Variants in TENM3 observed in about 807,000 individuals in gnomAD.
TENM3 encodes teneurin-3.
TENM3 carries 63 observed loss-of-function variants against 255.1 expected under a neutral mutation model. That is an observed-to-expected ratio of 0.25 (90% CI 0.20 to 0.30). The LOEUF (loss-of-function observed/expected upper bound fraction) is 0.30, where lower values mean the gene tolerates loss of function less well. TENM3 is among the 10% of genes least tolerant of loss of function. The pLI is 1.00. For missense variants in TENM3, 2,929 were observed against 3,461.1 expected (o/e 0.85, Z 3.86); for synonymous variants, 1,306 against 1,322.3 (o/e 0.99, Z 0.27).
At chr4:182,253,079 C>A (rs543018519) in intron 1 of TENM3, among the ~76,000 whole-genome samples, 60 of 152,280 alleles carry the variant, frequency 3.9e-4, no homozygotes, top group African/African-American at 1.2e-3. Flanking sequence ...ACAATAGAGG[C>A]TTTATCTCTC....
At chr4:181,725,247 G>C in the TENM3 span, among the ~76,000 whole-genome samples, 1 of 152,112 alleles carries the variant, frequency 6.6e-6, no homozygotes, top group African/African-American at 2.4e-5. Context: ...CTATCCTTGT[G>C]AGTATTTTTA....
chr4:181,511,794 C>T, the TENM3 span, among the ~76,000 whole-genome samples: 2 of 152,078 alleles, frequency 1.3e-5, no homozygotes, highest in South Asian at 2.1e-4. Context: ...GACTGTGGAC[C>T]ACCAGCGGGT....
the TENM3 span, among the ~76,000 whole-genome samples, chr4:181,712,497 A>T: frequency 6.6e-6 from 1 of 152,184 alleles, no homozygotes; most frequent in East Asian, 1.9e-4. Context: ...AGCCGATGCC[A>T]GTATCATGCT....
In TENM3 at chr4:182,789,002, T is replaced by A; in HGVS notation, c.5305-91T>A. 1 of 1,150,612 alleles carries A rather than the reference T, an allele frequency of 8.7e-7. No homozygotes were observed. Among genetic ancestry groups the A allele is most frequent in the Non-Finnish European group, 1.2e-6 (1 of 833,056 alleles). The allele number at this position is 1,150,612 out of a possible 1,614,324, so 71.3% of individuals were successfully genotyped here. On this transcript the variant is annotated intron_variant, in intron 24 of 27. Transcript: ENST00000511685. This position sits in a 1 kb window ranked among gnomAD's most constrained non-coding sequence, Gnocchi z 4.4. ...TAAGTTAATTTACTGACAAAGAGAA[T>A]CAATCATCGTAAATGGTGTTTAAAC...
the TENM3 span, among the ~76,000 whole-genome samples, chr4:182,120,181 T>C: frequency 5.3e-5 from 8 of 151,926 alleles, no homozygotes; most frequent in African/African-American, 1.9e-4. Flanking sequence ...CACTGAACCT[T>C]TCTATGTTTT....
At chr4:182,699,771 T>C (rs1388440690) in intron 12 of TENM3, among the ~76,000 whole-genome samples, 1 of 152,208 alleles carries the variant, frequency 6.6e-6, no homozygotes, top group African/African-American at 2.4e-5. Context: ...TGACATTTTG[T>C]TCCTTTACTA....
the TENM3 span, among the ~76,000 whole-genome samples, chr4:181,630,892 A>G: frequency 8.2e-4 from 125 of 152,246 alleles, no homozygotes; most frequent in Admixed American, 2.6e-3. Flanking sequence ...ATGGGGTGCC[A>G]TGTTCATTTT....
the TENM3 span, among the ~76,000 whole-genome samples, chr4:182,029,249 G>T: frequency 2.0e-5 from 3 of 151,878 alleles, no homozygotes; most frequent in Admixed American, 2.0e-4. Flanking sequence ...CTCATGAATG[G>T]TTTAACATTT....
chr4:181,641,438 G>A, the TENM3 span, among the ~76,000 whole-genome samples: 5 of 149,624 alleles, frequency 3.3e-5, no homozygotes, highest in African/African-American at 1.2e-4. Flanking sequence ...GCGGTGTTTG[G>A]TTTTCTGTTC....
At chr4:181,548,318 C>G in the TENM3 span, among the ~76,000 whole-genome samples, 1 of 152,106 alleles carries the variant, frequency 6.6e-6, no homozygotes, top group African/African-American at 2.4e-5. Flanking sequence ...TGGGTATATA[C>G]CCAAAGGATT....
At chr4:182,733,674 A>G (rs1484224899) in intron 16 of TENM3, among the ~76,000 whole-genome samples, 2 of 152,240 alleles carry the variant, frequency 1.3e-5, no homozygotes, top group Non-Finnish European at 2.9e-5. Context: ...AGGATAACAA[A>G]AAGTCAAAAA....
At chr4:181,708,878 G>A in the TENM3 span, among the ~76,000 whole-genome samples, 1 of 152,196 alleles carries the variant, frequency 6.6e-6, no homozygotes, top group Non-Finnish European at 1.5e-5. Flanking sequence ...GGCCTAGAAT[G>A]TTCTGGGTTG....
chr4:182,250,191 C>T (rs200602860), intron 1 of TENM3, among the ~76,000 whole-genome samples: 70 of 151,374 alleles, frequency 4.6e-4, no homozygotes, highest in Middle Eastern at 3.4e-3. Context: ...TAGCTGGGAC[C>T]ACAGGCGCCC....
chr4:181,538,778 T>G, the TENM3 span, among the ~76,000 whole-genome samples: 1 of 152,178 alleles, frequency 6.6e-6, no homozygotes, highest in African/African-American at 2.4e-5. Context: ...TTTCAGAGAG[T>G]AGAATTCAGA....
chr4:181,952,935 C>G, the TENM3 span, among the ~76,000 whole-genome samples: 3 of 152,214 alleles, frequency 2.0e-5, no homozygotes, highest in African/African-American at 7.2e-5. Flanking sequence ...TGTCCTGGGC[C>G]ACAGTTACAT....
chr4:182,655,173 A>G (rs796585984), intron 6 of TENM3, among the ~76,000 whole-genome samples: 3 of 152,336 alleles, frequency 2.0e-5, no homozygotes, highest in African/African-American at 7.2e-5. Flanking sequence ...GTAACTATAC[A>G]GAAATTAAGA....
chr4:182,409,289 C>T (rs978337237), intron 3 of TENM3, among the ~76,000 whole-genome samples: 7 of 152,162 alleles, frequency 4.6e-5, no homozygotes, highest in East Asian at 1.9e-4. Context: ...TCAGAAGATA[C>T]GCAGGGTCCT....
At position 182,494,315 on chromosome 4, in the gene TENM3, C is replaced by T. The variant is rs371934504; in HGVS notation, c.512-106609C>T. Among the ~76,000 whole-genome samples, 98 of 152,162 alleles carry T rather than the reference C, an allele frequency of 6.4e-4. 1 individual carries two copies. In the South Asian group the frequency reaches 0.019, roughly 30 times the overall value. On this transcript the variant is annotated intron_variant, in intron 3 of 27. Coordinates refer to ENST00000511685, the MANE Select transcript of TENM3 (RefSeq NM_001080477.4). ...GGCAGTTTCAGTTACCCATGGTAAACCACGGTTTGAAAATAAAGTGCATAC... is the reference window on the plus strand; with the variant it reads ...GGCAGTTTCAGTTACCCATGGTAAATCACGGTTTGAAAATAAAGTGCATAC...
the TENM3 span, among the ~76,000 whole-genome samples, chr4:182,021,707 T>C: frequency 2.2e-5 from 3 of 139,532 alleles, no homozygotes; most frequent in Non-Finnish European, 4.7e-5. Flanking sequence ...TTCTAGAAAT[T>C]GGTGGTGCCC....
Sources: gnomAD v4.1 joint callset for allele counts (sites outside exome capture counted in the v4.1 genomes callset) on GRCh38, gnomAD v4.1.1 for gene constraint, Gnocchi (gnomAD v3.1) non-coding constraint, MANE v1.5 for transcripts, NCBI Gene and HGNC (gene_info 2026-07-23, HGNC 2026-07-21) for gene names.